Variants in CDH9 observed in about 807,000 individuals in gnomAD.
CDH9 encodes the protein cadherin 9, also known as cadherin-9.
Under a neutral mutation model 70.9 loss-of-function variants are expected in CDH9, and 28 were observed. The ratio of observed to expected loss-of-function variants is 0.40; its 90% CI spans 0.29 to 0.54. CDH9 has a LOEUF of 0.54. Ranked by LOEUF, CDH9 falls within the 20% of genes least tolerant of loss-of-function variation. The pLI is 0.59. For synonymous variants in CDH9, 409 were observed against 343.1 expected (o/e 1.19, Z -2.12); for missense variants, 874 against 984.4 (o/e 0.89, Z 1.50).
chr5:26,957,804 C>G (rs1212418847), intron 2 of CDH9, among the ~76,000 whole-genome samples: 1 of 152,064 alleles, frequency 6.6e-6, no homozygotes, highest in South Asian at 2.1e-4. Flanking sequence ...TTCTTTACCA[C>G]AAATTAATTA....
chr5:26,964,876 C>A (rs1470360376), intron 2 of CDH9, among the ~76,000 whole-genome samples: 1 of 138,960 alleles, frequency 7.2e-6, no homozygotes, highest in African/African-American at 2.7e-5. Context: ...TGAGTGAGAA[C>A]ATGTGGTGTT....
chr5:27,036,074 A>G (rs544201340), intron 1 of CDH9, among the ~76,000 whole-genome samples: 2 of 151,958 alleles, frequency 1.3e-5, no homozygotes, highest in East Asian at 1.9e-4. Context: ...ATAATTTGTA[A>G]GCACTCTCTA....
rs898718041 is a variant in CDH9 at position 26,930,921 on chromosome 5, C to A, written c.229-14997G>T. Among the ~76,000 whole-genome samples, 3 of 152,004 alleles carry A rather than the reference C, an allele frequency of 2.0e-5. No individual in the cohort carries two copies. In the South Asian group the frequency reaches 6.2e-4, roughly 32 times the overall value. Reference sequence around the variant, plus strand: ...AGACATATTAGCTTGTATCTTTAAGCCATCTCATATTAGATATTAGCTTCA... The same window carrying A: ...AGACATATTAGCTTGTATCTTTAAGACATCTCATATTAGATATTAGCTTCA... On this transcript the variant is annotated intron_variant, in intron 2 of 11. Transcript: ENST00000231021.
chr5:26,922,665 A>G (rs1213720641), intron 2 of CDH9, among the ~76,000 whole-genome samples: 2 of 152,060 alleles, frequency 1.3e-5, no homozygotes, highest in East Asian at 3.9e-4. Flanking sequence ...AAAACTCACT[A>G]GCAATAGTAA....
At chr5:26,981,076 G>A (rs566946769) in intron 2 of CDH9, among the ~76,000 whole-genome samples, 2 of 151,984 alleles carry the variant, frequency 1.3e-5, no homozygotes, top group Admixed American at 1.3e-4. Context: ...GAAGAGAAGA[G>A]GTATAAATTT....
At chr5:26,927,430 C>T (rs559584798) in intron 2 of CDH9, among the ~76,000 whole-genome samples, 34 of 151,990 alleles carry the variant, frequency 2.2e-4, no homozygotes, top group African/African-American at 3.4e-4. Context: ...GCATCCAATG[C>T]GGATGCCATT....
chr5:26,887,470 T>C (rs1740584636), intron 9 of CDH9, among the ~76,000 whole-genome samples: 2 of 150,120 alleles, frequency 1.3e-5, no homozygotes, highest in African/African-American at 4.9e-5. Context: ...TAAATAATTA[T>C]AATTAGTTAA....
chr5:26,905,090 A>G (rs989473130), intron 5 of CDH9, among the ~76,000 whole-genome samples: 1 of 152,154 alleles, frequency 6.6e-6, no homozygotes, highest in African/African-American at 2.4e-5. Flanking sequence ...AACATTTTAA[A>G]TATAATTGGC....
chr5:27,001,844 A>ACTCTCTCTCTCTCTCTCTCTCTCTCT (rs141271541), intron 1 of CDH9, among the ~76,000 whole-genome samples: 30 of 142,052 alleles, frequency 2.1e-4, no homozygotes, highest in African/African-American at 8.0e-4. Context: ...ACACACACAC[A>ACTCTCTCTCTCTCTCTCTCTCTCTCT]CTCTCTCTCT....
chr5:26,900,762 G>C (rs1442298710), intron 7 of CDH9, among the ~76,000 whole-genome samples: 1 of 151,974 alleles, frequency 6.6e-6, no homozygotes, highest in Non-Finnish European at 1.5e-5. Flanking sequence ...TGGTGCAACA[G>C]ACACTAAGGA....
chr5:26,922,025 C>A (rs78300868), intron 2 of CDH9, among the ~76,000 whole-genome samples: 3 of 91,044 alleles, frequency 3.3e-5, no homozygotes, highest in African/African-American at 4.9e-5. Flanking sequence ...ACAAAATAGT[C>A]CAAAAAAAAA....
chr5:26,935,537 A>G (rs1219738219), intron 2 of CDH9, among the ~76,000 whole-genome samples: 1 of 152,186 alleles, frequency 6.6e-6, no homozygotes, highest in Non-Finnish European at 1.5e-5. Context: ...TGAAATGCAA[A>G]TTAAAACTAC....
intron 1 of CDH9, among the ~76,000 whole-genome samples, chr5:27,023,099 C>T (rs1743166627): frequency 6.6e-6 from 1 of 151,988 alleles, no homozygotes; most frequent in Non-Finnish European, 1.5e-5. Flanking sequence ...AGACGTTAAG[C>T]CCCAGTGTGG....
chr5:27,011,537 C>T (rs1406645228), intron 1 of CDH9, among the ~76,000 whole-genome samples: 3 of 152,064 alleles, frequency 2.0e-5, no homozygotes, highest in Non-Finnish European at 4.4e-5. Flanking sequence ...ACCTTGCTTT[C>T]AGATTTAGGC....
Position 26,881,290 on chromosome 5 carries a change from G to A in CDH9, c.2216C>T (p.Ala739Val). ...APPYDSLATY[A>V]YEGNDSIADS... is the part of the protein sequence containing the mutation. ...TGCTATGGAATCATTCCCTTCATAG[G>A]CATACGTTGCCAGCGAATCATATGG... is the stretch of plus-strand genomic sequence containing the variant. Residue 739 changes from alanine to valine, a missense_variant, in exon 12 of 12, where the codon GCC (alanine) becomes GTC (valine). By Grantham distance (64) the Ala-to-Val change is moderately conservative. Transcript: ENST00000231021. The A allele has an allele frequency of 6.2e-7, 1 of 1,612,642 alleles. No homozygotes were observed.
chr5:26,884,670 T>C (rs1740530062), intron 11 of CDH9, among the ~76,000 whole-genome samples: 1 of 152,188 alleles, frequency 6.6e-6, no homozygotes, highest in Non-Finnish European at 1.5e-5. Context: ...CAAGGATATC[T>C]GGCCAAAGGG....
intron 2 of CDH9, among the ~76,000 whole-genome samples, chr5:26,960,006 T>C (rs539520803): frequency 6.6e-6 from 1 of 152,180 alleles, no homozygotes; most frequent in South Asian, 2.1e-4. Context: ...TTCAAAATGG[T>C]TAATTTTATG....
At position 26,901,840 on chromosome 5, in the gene CDH9, G is replaced by A. The variant is rs201850357; in HGVS notation, c.1253+636C>T. Among the ~76,000 whole-genome samples, 6 of 151,680 alleles carry A rather than the reference G, an allele frequency of 4.0e-5. No homozygotes were observed. The East Asian group carries it at 1.2e-3, about 29-fold the overall frequency. ...AACTATTCAAAATTTGGAAAGATAT[G>A]CTATACAAATTAATACTTTTACCTT... On this transcript the variant is annotated intron_variant, in intron 7 of 11. Coordinates refer to ENST00000231021, the MANE Select transcript of CDH9 (RefSeq NM_016279.4).
At chr5:27,023,263 A>G (rs1021390933) in intron 1 of CDH9, among the ~76,000 whole-genome samples, 1 of 152,090 alleles carries the variant, frequency 6.6e-6, no homozygotes, top group Non-Finnish European at 1.5e-5. Context: ...GGAAGACAGA[A>G]TAGACACTTT....
Sources: allele counts gnomAD v4.1 joint callset (sites outside exome capture counted in the v4.1 genomes callset), GRCh38; gene constraint gnomAD v4.1.1; transcripts MANE v1.5; gene names NCBI Gene and HGNC (gene_info 2026-07-23, HGNC 2026-07-21).